COL6A6: variants seen among roughly 807,000 people sequenced by gnomAD.
The protein encoded by COL6A6 is collagen alpha-6(VI) chain.
Under a neutral mutation model 208.6 loss-of-function variants are expected in COL6A6, and 183 were observed. The ratio of observed to expected loss-of-function variants is 0.88; its 90% CI spans 0.78 to 0.99. COL6A6 has a LOEUF of 0.99. COL6A6 is among the 50% of genes least tolerant of loss of function. COL6A6 has a pLI of 0.00. For missense variants in COL6A6, 2,816 were observed against 2,815.2 expected (o/e 1.00, Z -0.01); for synonymous variants, 973 against 1,011.8 (o/e 0.96, Z 0.73).
intron 18 of COL6A6, 129 bp from the exon 19 acceptor site, chr3:130,598,236 C>A: frequency 3.3e-6 from 2 of 608,454 alleles, no homozygotes; most frequent in Non-Finnish European, 5.8e-6. Context: ...GTAATTTTAA[C>A]CTATTTCTGC....
chr3:130,584,528 A>G (rs971883840), intron 10 of COL6A6, among the ~76,000 whole-genome samples: 2 of 152,174 alleles, frequency 1.3e-5, no homozygotes, highest in Non-Finnish European at 2.9e-5. Flanking sequence ...TAGAACCAGG[A>G]AAGTCCCAGG....
intron 12 of COL6A6, among the ~76,000 whole-genome samples, chr3:130,589,640 C>T (rs1010692558): frequency 2.0e-5 from 3 of 152,168 alleles, no homozygotes; most frequent in African/African-American, 7.2e-5. Context: ...TAAGATGTCT[C>T]ATTCATCTTA....
chr3:130,593,029 G>C lies in COL6A6; in HGVS notation c.4372-32G>C, dbSNP rs750178835. 5.0e-6 allele frequency: 8 copies of C among 1,597,224 alleles called. No individual in the cohort carries two copies. In the Admixed American group the frequency reaches 1.3e-4, roughly 27 times the overall value. On this transcript the variant is annotated intron_variant, in intron 15 of 36. Coordinates refer to ENST00000358511, the MANE Select transcript of COL6A6 (RefSeq NM_001102608.3). ...TGACTTCTTTACACATGCACGTGATGTACTCTGTTCTAATCATATCTATCT... is the reference window on the plus strand; with the variant it reads ...TGACTTCTTTACACATGCACGTGATCTACTCTGTTCTAATCATATCTATCT...
At chr3:130,554,694 C>T (rs2062727692) in intron 1 of COL6A6, among the ~76,000 whole-genome samples, 1 of 152,174 alleles carries the variant, frequency 6.6e-6, no homozygotes, top group Non-Finnish European at 1.5e-5. Flanking sequence ...TGTACACATC[C>T]ACCTGTGGAG....
chr3:130,641,710 G>C lies in COL6A6; in HGVS notation c.5150G>C (p.Arg1717Pro). 1 of 1,579,352 alleles carries C rather than the reference G, an allele frequency of 6.3e-7. No individual in the cohort carries two copies. The highest frequency in any genetic ancestry group is 8.7e-7 in the Non-Finnish European group (1 of 1,151,188). ...GSPGEPGPPG[R>P]KGVKGAKGLA... ...CCTGGGGAACCAGGACCTCCTGGAC[G>C]TAAGGTAAGTAGAAAAACTATAAAC... Residue 1717 changes from arginine (R) to proline (P), a missense_variant, in exon 29 of 37, where the codon CGT becomes CCT. By Grantham distance (103) the Arg-to-Pro change is moderately radical (BLOSUM62 -2). Transcript: ENST00000358511.
chr3:130,516,882 G>T (rs111540893), upstream of COL6A6, among the ~76,000 whole-genome samples: 963 of 152,336 alleles, frequency 6.3e-3, 9 homozygotes, highest in African/African-American at 0.023. Context: ...GTGCGCCTCG[G>T]ATCTGCACGC....
In COL6A6 at chr3:130,620,805, G is replaced by A. The variant is rs150504238; in HGVS notation, c.4816-1016G>A. Among the ~76,000 whole-genome samples the A allele has an allele frequency of 3.8e-3, 583 of 152,186 alleles. 5 individuals carry two copies. Among genetic ancestry groups the A allele is most frequent in the African/African-American group, 0.013 (558 of 41,520 alleles). On this transcript the variant is annotated intron_variant, in intron 23 of 36. Transcript: ENST00000358511. ...AATTTGCAAGTGTCATGCTCATTAC[G>A]CAAAGGCTGGTTTATTTACTTTTAA... is the stretch of plus-strand genomic sequence containing the variant.
intron 18 of COL6A6, 38 bp from the exon 19 acceptor site, chr3:130,598,327 C>A: frequency 2.2e-6 from 3 of 1,367,210 alleles, no homozygotes; most frequent in South Asian, 2.5e-5. Flanking sequence ...GAGAAATGTC[C>A]AAATATATTA....
At chr3:130,520,293 A>G (rs953403327) in intron 1 of COL6A6, among the ~76,000 whole-genome samples, 6 of 152,250 alleles carry the variant, frequency 3.9e-5, no homozygotes, top group African/African-American at 1.4e-4. Flanking sequence ...AAGCTACGCT[A>G]AGTTTTTCAA....
At chr3:130,642,109 G>T (rs968727254) in intron 29 of COL6A6, among the ~76,000 whole-genome samples, 1 of 152,072 alleles carries the variant, frequency 6.6e-6, no homozygotes, top group Non-Finnish European at 1.5e-5. Context: ...GGTCAGGGGG[G>T]GCTCTGTTGC....
At chr3:130,526,708 A>G (rs2061968826) in intron 1 of COL6A6, among the ~76,000 whole-genome samples, 1 of 152,192 alleles carries the variant, frequency 6.6e-6, no homozygotes, top group African/African-American at 2.4e-5. Flanking sequence ...CAGAAGTTTC[A>G]GAGAAACCTC....
chr3:130,609,286 A>G (rs2064280817), intron 22 of COL6A6, among the ~76,000 whole-genome samples: 2 of 152,184 alleles, frequency 1.3e-5, no homozygotes, highest in Non-Finnish European at 2.9e-5. Context: ...ATTGTGGTCA[A>G]TTTAGCACAG....
chr3:130,559,951 A>G (rs1241119018), intron 1 of COL6A6, among the ~76,000 whole-genome samples: 1 of 152,212 alleles, frequency 6.6e-6, no homozygotes. Context: ...CGAGATTATG[A>G]AATAGGTCTT....
intron 1 of COL6A6, among the ~76,000 whole-genome samples, chr3:130,545,462 T>A (rs2062469348): frequency 6.6e-6 from 1 of 151,830 alleles, no homozygotes; most frequent in South Asian, 2.1e-4. Context: ...ATTTTTTTTT[T>A]TTTTTTTTTA....
chr3:130,586,513 T>A lies in COL6A6; in HGVS notation c.3978T>A (p.Asn1326Lys). Residue 1326 changes from asparagine (N) to lysine (K), a missense_variant, in exon 11 of 37, where the codon AAT becomes AAA. Asn to Lys is a moderately conservative substitution (Grantham distance 94). Coordinates refer to ENST00000358511, the MANE Select transcript of COL6A6 (RefSeq NM_001102608.3). ...KSDELRKEGL[N>K]ALITVALDGP... Reference sequence around the variant, plus strand: ...GTAAACTGTGTTGGATAGGCCTGAATGCCCTCATAACTGTTGCTCTGGATG... The same window carrying A: ...GTAAACTGTGTTGGATAGGCCTGAAAGCCCTCATAACTGTTGCTCTGGATG... The A allele has an allele frequency of 6.2e-7, 1 of 1,612,462 alleles. No individual in the cohort carries two copies. Among genetic ancestry groups the A allele is most frequent in the African/African-American group, 1.3e-5 (1 of 74,990 alleles).
chr3:130,649,280 C>T lies in COL6A6; in HGVS notation c.5451C>T (p.Asp1817=), dbSNP rs151263569. The part of the protein sequence containing the change: ...SHARHLVRFS[D]AYKKSQLLRE... Reference sequence around the variant, plus strand: ...CCAGGCACCTTGTGCGCTTCTCAGACGCCTACAAGAAGAGTCAACTTCTCA... The same window carrying T: ...CCAGGCACCTTGTGCGCTTCTCAGATGCCTACAAGAAGAGTCAACTTCTCA... The change falls in exon 33 of 37, where the codon GAC becomes GAT. Residue 1817 remains aspartate (D), a synonymous_variant. Transcript: ENST00000358511. 843 of 1,603,716 alleles carry T rather than the reference C, an allele frequency of 5.3e-4. 3 individuals carry two copies. In the African/African-American group the frequency reaches 9.7e-3, roughly 18 times the overall value.
At chr3:130,561,984 G>C (rs1480884250) in intron 2 of COL6A6, among the ~76,000 whole-genome samples, 1 of 152,202 alleles carries the variant, frequency 6.6e-6, no homozygotes, top group East Asian at 1.9e-4. Flanking sequence ...AAAAAACTAA[G>C]GCCCAAGTGT....
intron 4 of COL6A6, 37 bp downstream of exon 4, chr3:130,565,651 CTTT>C (rs1006954867): frequency 6.4e-7 from 1 of 1,553,430 alleles, no homozygotes; most frequent in Non-Finnish European, 8.7e-7. Flanking sequence ...TGTTTGGATT[CTTT>C]TTTTCTTCTC....
chr3:130,577,867 G>GAATGA (rs1448459688), intron 8 of COL6A6, among the ~76,000 whole-genome samples: 1 of 152,036 alleles, frequency 6.6e-6, no homozygotes, highest in East Asian at 1.9e-4. Flanking sequence ...GGGATGTCTT[G>GAATGA]AATGAAAATT....
Sources: gnomAD v4.1 joint callset for allele counts (sites outside exome capture counted in the v4.1 genomes callset) on GRCh38, gnomAD v4.1.1 for gene constraint, MANE v1.5 for transcripts, NCBI Gene and HGNC (gene_info 2026-07-23, HGNC 2026-07-21) for gene names.